MYH15: variants seen among roughly 807,000 people sequenced by gnomAD.
MYH15 encodes myosin heavy chain 15, also known as myosin-15.
MYH15 carries 227 observed loss-of-function variants against 240.5 expected under a neutral mutation model. That is an observed-to-expected ratio of 0.94 (90% CI 0.85 to 1.05). MYH15 has a LOEUF of 1.05. Ranked by LOEUF, MYH15 falls within the 50% of genes least tolerant of loss-of-function variation. The pLI, the probability that MYH15 is intolerant of heterozygous loss-of-function variation, is 0.00. For synonymous variants in MYH15, 785 were observed against 796.7 expected (o/e 0.99, Z 0.25); for missense variants, 2,217 against 2,247.5 (o/e 0.99, Z 0.27).
chr3:108,421,514 G>A (rs1047924821), intron 27 of MYH15, among the ~76,000 whole-genome samples: 3 of 152,162 alleles, frequency 2.0e-5, no homozygotes, highest in Admixed American at 6.5e-5. Context: ...CATGTCAAAC[G>A]CTAATGAGAT....
chr3:108,546,737 G>C, the MYH15 span, among the ~76,000 whole-genome samples: 1 of 152,052 alleles, frequency 6.6e-6, no homozygotes. Context: ...TGCAAAAAAA[G>C]GTGAGTTTTA....
chr3:108,530,969 C>G (rs1481021425), upstream of MYH15, among the ~76,000 whole-genome samples: 2 of 152,178 alleles, frequency 1.3e-5, no homozygotes, highest in African/African-American at 4.8e-5. Context: ...GTGTTGACTT[C>G]AAGATGAGCG....
At chr3:108,470,639 A>G in intron 13 of MYH15, 59 bp downstream of exon 13, 3 of 1,572,920 alleles carry the variant, frequency 1.9e-6, no homozygotes, top group Non-Finnish European at 2.6e-6. Flanking sequence ...ATCTTCAAGT[A>G]ACGTTTTCTA....
chr3:108,546,047 GT>G, the MYH15 span, among the ~76,000 whole-genome samples: 1 of 152,120 alleles, frequency 6.6e-6, no homozygotes, highest in Non-Finnish European at 1.5e-5. Flanking sequence ...AGTCATATCA[GT>G]TTGTGTTTGA....
Position 108,470,136 on chromosome 3 carries a change from A to T in MYH15, c.1460T>A (p.Val487Asp). 1 of 1,610,966 alleles carries T rather than the reference A, an allele frequency of 6.2e-7. No homozygotes were observed. Among genetic ancestry groups the T allele is most frequent in the Non-Finnish European group, 8.5e-7 (1 of 1,178,846 alleles). The part of the protein sequence containing the change: ...LQQFFNWHMF[V>D]LEQEEYKKES... ...TTTCTTATATTCCTCTTGCTCCAGA[A>T]CAAACATGTGCCAATTGAAGAATTG... The change falls in exon 14 of 41, where the codon GTT becomes GAT. Residue 487 changes from valine (V) to aspartate (D), a missense_variant. Val to Asp is a radical substitution (Grantham distance 152). Coordinates refer to ENST00000693548, the MANE Select transcript of MYH15 (RefSeq NM_014981.3).
upstream of MYH15, among the ~76,000 whole-genome samples, chr3:108,511,365 G>A (rs2083521543): frequency 6.6e-6 from 1 of 152,166 alleles, no homozygotes; most frequent in South Asian, 2.1e-4. Flanking sequence ...AAGGTGGCAA[G>A]CAGGTTACAT....
intron 35 of MYH15, among the ~76,000 whole-genome samples, chr3:108,396,295 C>T (rs1290239279): frequency 6.6e-6 from 1 of 152,204 alleles, no homozygotes; most frequent in East Asian, 1.9e-4. Flanking sequence ...CGGTCCCCAA[C>T]CCATTTGGTT....
chr3:108,501,109 C>T (rs1355470479), intron 3 of MYH15, among the ~76,000 whole-genome samples: 1 of 152,204 alleles, frequency 6.6e-6, no homozygotes, highest in Non-Finnish European at 1.5e-5. Flanking sequence ...GAAACTAATA[C>T]AGTTACATGG....
chr3:108,509,528 G>C (rs2083505991), intron 1 of MYH15, among the ~76,000 whole-genome samples: 2 of 152,158 alleles, frequency 1.3e-5, no homozygotes, highest in Non-Finnish European at 2.9e-5. Context: ...TCCAGGACTG[G>C]TCTGTGATGG....
intron 9 of MYH15, among the ~76,000 whole-genome samples, chr3:108,489,259 A>C (rs1323031843): frequency 6.6e-6 from 1 of 152,206 alleles, no homozygotes; most frequent in Non-Finnish European, 1.5e-5. Context: ...AAGTGAATAC[A>C]CAGGGTTGAG....
intron 35 of MYH15, among the ~76,000 whole-genome samples, chr3:108,397,404 A>C (rs2082470062): frequency 1.3e-5 from 2 of 152,214 alleles, no homozygotes; most frequent in South Asian, 2.1e-4. Flanking sequence ...GACTCAGAAG[A>C]AGCATACTGT....
At chr3:108,444,599 T>C (rs773663970) in intron 22 of MYH15, 41 bp downstream of exon 22, 2 of 1,603,262 alleles carry the variant, frequency 1.2e-6, no homozygotes, top group South Asian at 2.2e-5. Context: ...GGGAGTCTAA[T>C]TAAAAACTTG....
At chr3:108,427,617 A>AACACACAC (rs150751928) in intron 27 of MYH15, among the ~76,000 whole-genome samples, 7 of 122,858 alleles carry the variant, frequency 5.7e-5, no homozygotes, top group Non-Finnish European at 8.7e-5. Context: ...ACACACACAC[A>AACACACAC]ACACACACAC....
chr3:108,485,045 G>A, intron 11 of MYH15, 46 bp downstream of exon 11: 2 of 1,596,300 alleles, frequency 1.3e-6, no homozygotes, highest in Non-Finnish European at 1.7e-6. Context: ...GCAGGCTTGG[G>A]CCCAGAGATT....
chr3:108,455,833 A>G lies in MYH15; in HGVS notation c.2165T>C (p.Phe722Ser). The change falls in exon 20 of 41, where the codon TTT becomes TCT. Residue 722 changes from phenylalanine to serine, a missense_variant. By Grantham distance (155) the Phe-to-Ser change is radical. Coordinates refer to ENST00000693548, the MANE Select transcript of MYH15 (RefSeq NM_014981.3). ...QRYCILNPRT[F>S]PKSKFVSSRK... ...GCTGCTCACAAACTTGCTCTTTGGA[A>G]AGGTCCTTGGATTCAGAATGCAGTA... 1.2e-6 allele frequency: 2 copies of G among 1,613,154 alleles called. No homozygotes were observed. The highest frequency in any genetic ancestry group is 8.5e-7 in the Non-Finnish European group (1 of 1,179,164).
At chr3:108,497,157 TAAAAAAAAAAAAAA>T (rs5851595) in intron 6 of MYH15, among the ~76,000 whole-genome samples, 3 of 28,742 alleles carry the variant, frequency 1.0e-4, no homozygotes, top group South Asian at 2.9e-3. Context: ...CGAGACTCCG[TAAAAAAAAAAAAAA>T]AAAAAAAAAA....
intron 32 of MYH15, among the ~76,000 whole-genome samples, chr3:108,407,922 T>C (rs1272886737): frequency 6.6e-6 from 1 of 152,172 alleles, no homozygotes; most frequent in Non-Finnish European, 1.5e-5. Flanking sequence ...AGGGCTGAGA[T>C]TCTGAATTTC....
chr3:108,519,349 C>T (rs941088047), intron 1 of MYH15, among the ~76,000 whole-genome samples: 6 of 152,128 alleles, frequency 3.9e-5, no homozygotes, highest in African/African-American at 1.2e-4. Flanking sequence ...TAAGTCAATA[C>T]ATCTGAATTG....
chr3:108,509,115 G>C (rs1249446527), intron 1 of MYH15, among the ~76,000 whole-genome samples: 1 of 152,072 alleles, frequency 6.6e-6, no homozygotes, highest in Non-Finnish European at 1.5e-5. Context: ...ACTTCCATTT[G>C]ACCCGAGTTC....
Sources: allele counts gnomAD v4.1 joint callset (sites outside exome capture counted in the v4.1 genomes callset), GRCh38; gene constraint gnomAD v4.1.1; transcripts MANE v1.5; gene names NCBI Gene and HGNC (gene_info 2026-07-23, HGNC 2026-07-21).